Variants in ASIC2 observed in about 807,000 individuals in gnomAD.
ASIC2 encodes acid-sensing ion channel 2.
In ASIC2, 25 loss-of-function variants were observed where a neutral mutation model predicts 57.3. The ratio of observed to expected loss-of-function variants is 0.44; its 90% CI spans 0.32 to 0.61. The LOEUF is 0.61. ASIC2 is among the 20% of genes least tolerant of loss of function. The probability of loss-of-function intolerance (pLI) is 0.06; values close to 1 mark genes in which losing one functional copy is unlikely to be tolerated. For synonymous variants in ASIC2, 319 were observed against 307.5 expected, an observed-to-expected ratio of 1.04 and a Z score of -0.39; for missense variants, 641 against 738.1, an observed-to-expected ratio of 0.87 and a Z score of 1.52.
intron 1 of ASIC2, among the ~76,000 whole-genome samples, chr17:33,587,121 T>C (rs1392792843): frequency 6.6e-6 from 1 of 152,244 alleles, no homozygotes; most frequent in African/African-American, 2.4e-5. Flanking sequence ...CACTTACATA[T>C]GTTACATGAT....
At chr17:33,117,210 TCACC>T (rs1481063875) in intron 1 of ASIC2, among the ~76,000 whole-genome samples, 1 of 151,880 alleles carries the variant, frequency 6.6e-6, no homozygotes, top group African/African-American at 2.4e-5. Context: ...TCTCACTTTG[TCACC>T]CAGGCTGGAG....
intron 1 of ASIC2, among the ~76,000 whole-genome samples, chr17:33,203,536 G>A (rs1597628261): frequency 6.6e-6 from 1 of 152,134 alleles, no homozygotes; most frequent in Non-Finnish European, 1.5e-5. Flanking sequence ...CTCTTGAAGC[G>A]CTGAGGCTGG....
intron 1 of ASIC2, among the ~76,000 whole-genome samples, chr17:34,043,569 T>C (rs1908220170): frequency 6.6e-6 from 1 of 152,208 alleles, no homozygotes; most frequent in South Asian, 2.1e-4. Context: ...AATTTATAGT[T>C]TGCATGGTCA....
intron 1 of ASIC2, among the ~76,000 whole-genome samples, chr17:33,895,536 C>T (rs548403039): frequency 9.7e-4 from 148 of 152,262 alleles, no homozygotes; most frequent in African/African-American, 3.2e-3. Flanking sequence ...TTGTAGTGCC[C>T]GGACTGAGAC....
intron 1 of ASIC2, among the ~76,000 whole-genome samples, chr17:34,009,393 T>C (rs1053792832): frequency 3.9e-5 from 6 of 152,180 alleles, no homozygotes; most frequent in Non-Finnish European, 5.9e-5. Context: ...GAAATGAGAA[T>C]GGCTGTCAAT....
chr17:33,457,890 C>T (rs1168687306), intron 1 of ASIC2, among the ~76,000 whole-genome samples: 2 of 152,214 alleles, frequency 1.3e-5, no homozygotes, highest in Non-Finnish European at 2.9e-5. Context: ...AGTTAGATCT[C>T]ATACTCAGGT....
chr17:33,037,785 G>T (rs932848579), intron 3 of ASIC2, among the ~76,000 whole-genome samples: 1 of 152,102 alleles, frequency 6.6e-6, no homozygotes, highest in African/African-American at 2.4e-5. Flanking sequence ...TATAAGCATT[G>T]GATACATTCT....
chr17:33,901,664 G>C (rs966238580), intron 1 of ASIC2, among the ~76,000 whole-genome samples: 10 of 152,164 alleles, frequency 6.6e-5, no homozygotes, highest in African/African-American at 2.4e-4. Flanking sequence ...GTCTGAACAA[G>C]TTCATCCCCA....
intron 1 of ASIC2, chr17:34,071,373 C>A (rs1299609598): frequency 6.6e-6 from 1 of 152,180 alleles, no homozygotes; most frequent in East Asian, 1.9e-4. Flanking sequence ...AACACATCCA[C>A]TTCTCACCAT....
At chr17:33,347,715 A>G (rs1458417259) in intron 1 of ASIC2, among the ~76,000 whole-genome samples, 2 of 152,206 alleles carry the variant, frequency 1.3e-5, no homozygotes, top group East Asian at 3.8e-4. Context: ...ATCAGAGCAG[A>G]TACTTAAGTC....
intron 1 of ASIC2, among the ~76,000 whole-genome samples, chr17:33,660,722 T>C (rs280037): frequency 0.82 from 125,287 of 152,258 alleles, 51,745 homozygotes; most frequent in African/African-American, 0.89. Flanking sequence ...TGCGCTATGA[T>C]ACCACATCAG....
chr17:33,949,091 ATT>A, intron 1 of ASIC2, among the ~76,000 whole-genome samples: 1 of 150,680 alleles, frequency 6.6e-6, no homozygotes, highest in South Asian at 2.1e-4. Flanking sequence ...TCTTCTTTTG[ATT>A]TTTTTTTTCA....
At chr17:33,375,498 G>T (rs1251616350) in intron 1 of ASIC2, among the ~76,000 whole-genome samples, 1 of 152,198 alleles carries the variant, frequency 6.6e-6, no homozygotes, top group Admixed American at 6.5e-5. Context: ...GAAGTTTACG[G>T]CACACTATTA....
At chr17:34,055,296 C>T (rs767770000) in intron 1 of ASIC2, among the ~76,000 whole-genome samples, 17 of 152,262 alleles carry the variant, frequency 1.1e-4, no homozygotes, top group Admixed American at 3.3e-4. Flanking sequence ...AATAATATAA[C>T]GAACCTTCAT....
At chr17:33,882,822 C>T (rs1213791012) in intron 1 of ASIC2, among the ~76,000 whole-genome samples, 11 of 152,208 alleles carry the variant, frequency 7.2e-5, no homozygotes, top group African/African-American at 2.6e-4. Flanking sequence ...ATGTTTATTG[C>T]GGTACTATTC....
At chr17:33,016,565 A>G (rs2091806792) in intron 8 of ASIC2, among the ~76,000 whole-genome samples, 1 of 152,070 alleles carries the variant, frequency 6.6e-6, no homozygotes, top group Admixed American at 6.5e-5. Flanking sequence ...TTTTCCACAA[A>G]AGTCAATAAA....
chr17:33,053,535 G>T (rs375037828), intron 3 of ASIC2, among the ~76,000 whole-genome samples: 2 of 152,232 alleles, frequency 1.3e-5, no homozygotes, highest in African/African-American at 4.8e-5. Flanking sequence ...TCTTCTCTAA[G>T]TTGAGGCTAA....
intron 1 of ASIC2, among the ~76,000 whole-genome samples, chr17:33,631,301 C>A (rs1010138287): frequency 6.7e-6 from 1 of 148,744 alleles, no homozygotes; most frequent in African/African-American, 2.5e-5. Context: ...CAGTCTTAAG[C>A]GTGGCATGCT....
chr17:33,677,040 A>T (rs1470665250), intron 1 of ASIC2, among the ~76,000 whole-genome samples: 1 of 152,194 alleles, frequency 6.6e-6, no homozygotes, highest in Non-Finnish European at 1.5e-5. Flanking sequence ...TGTGAGTGGC[A>T]TGCTGGTGCC....
Sources: allele counts gnomAD v4.1 joint callset (sites outside exome capture counted in the v4.1 genomes callset), GRCh38; gene constraint gnomAD v4.1.1; transcripts MANE v1.5; gene names NCBI Gene and HGNC (gene_info 2026-07-23, HGNC 2026-07-21).